Variants in SLC22A25 observed in about 807,000 individuals in gnomAD.
SLC22A25 encodes the protein MGI:2442751, MGI:2385316, MGI:3042283, MGI:3645714, MGI:3605624, MGI:2442750.
SLC22A25 carries 44 observed loss-of-function variants against 45.9 expected under a neutral mutation model. That is an observed-to-expected ratio of 0.96 (90% CI 0.75 to 1.23). SLC22A25 has a LOEUF of 1.23. Ranked by LOEUF, SLC22A25 falls within the 50% of genes most tolerant of loss-of-function variation. SLC22A25 has a pLI of 0.00. For synonymous variants in SLC22A25, 283 were observed against 238.6 expected (o/e 1.19, Z -1.72); for missense variants, 800 against 666.4 (o/e 1.20, Z -2.21).
rs1482326389 is a variant in SLC22A25 at position 63,166,181 on chromosome 11, G to A, written c.1148C>T (p.Thr383Ile). Residue 383 changes from threonine to isoleucine, a missense_variant, in exon 10 of 12, where the codon ACT (threonine) becomes ATT (isoleucine). By Grantham distance (89) the Thr-to-Ile change is moderately conservative (BLOSUM62 -1). Coordinates refer to ENST00000306494, the MANE Select transcript of SLC22A25 (RefSeq NM_199352.6). Reference sequence around the variant, plus strand: ...CAGGAGGGTGACTGCACCAAAGAGAGTCTGCAACAGGAAAACATTGTTTCC... The same window carrying A: ...CAGGAGGGTGACTGCACCAAAGAGAATCTGCAACAGGAAAACATTGTTTCC... ...HLGNNVFLLQ[T>I]LFGAVTLLAN... 6.2e-7 allele frequency: 1 copy of A among 1,614,018 alleles called. No homozygotes were observed.
chr11:63,203,627 G>T (rs1327528936), intron 7 of SLC22A25, among the ~76,000 whole-genome samples: 1 of 151,928 alleles, frequency 6.6e-6, no homozygotes, highest in Non-Finnish European at 1.5e-5. Context: ...GAAAAGGAAT[G>T]AACAAAGTCC....
chr11:63,233,811 G>T (rs539615632), intron 3 of SLC22A25, among the ~76,000 whole-genome samples: 8 of 152,272 alleles, frequency 5.3e-5, no homozygotes, highest in African/African-American at 1.7e-4. Flanking sequence ...CTTTGAATGT[G>T]TCCCAGAGAT....
chr11:63,243,441 G>A lies in SLC22A25; in HGVS notation c.-1003C>T, dbSNP rs540827645. The A allele has an allele frequency of 2.7e-6, 2 of 753,406 alleles. No homozygotes were observed. Among genetic ancestry groups the A allele is most frequent in the African/African-American group, 1.7e-5 (1 of 58,544 alleles). 46.7% of individuals were successfully genotyped at this position (753,406 alleles called of 1,614,324 possible). A position where few individuals can be genotyped will look rare whatever the true frequency, so the allele number is the denominator to read the frequency against. On this transcript the variant is annotated 5_prime_UTR_variant, in exon 1 of 12. An upstream open reading frame in the 5' UTR gains an earlier in-frame stop. Coordinates refer to ENST00000306494, the MANE Select transcript of SLC22A25 (RefSeq NM_199352.6). ...CCTCTGGCCACGATTTACCTGGACT[G>A]TTTCTTCGCCAGGATCCCAACTTCA...
At chr11:63,205,834 C>T (rs376090403) in intron 7 of SLC22A25, among the ~76,000 whole-genome samples, 1 of 140,390 alleles carries the variant, frequency 7.1e-6, no homozygotes, top group East Asian at 1.9e-4. Flanking sequence ...TACCAAAACC[C>T]GTTGGAAACA....
intron 7 of SLC22A25, among the ~76,000 whole-genome samples, chr11:63,186,152 T>TC (rs2088533744): frequency 8.0e-6 from 1 of 125,720 alleles, no homozygotes; most frequent in African/African-American, 3.0e-5. Context: ...TAGTTTACAG[T>TC]CCCACCGACA....
intron 10 of SLC22A25, 38 bp downstream of exon 10, chr11:63,166,006 A>G: frequency 6.2e-7 from 1 of 1,606,630 alleles, no homozygotes. Context: ...AAAAGAGGGA[A>G]AGACATTTTC....
At chr11:63,165,893 C>G (rs1205101548) in intron 10 of SLC22A25, 151 bp downstream of exon 10, 1 of 1,014,696 alleles carries the variant, frequency 9.9e-7, no homozygotes, top group Admixed American at 2.8e-5. Flanking sequence ...TTCCGTGTGG[C>G]AAAATCTGTC....
Position 63,229,333 on chromosome 11 carries a change from T to C in SLC22A25, c.320A>G (p.Asn107Ser), listed in dbSNP as rs780795073. 1 of 1,613,244 alleles carries C rather than the reference T, an allele frequency of 6.2e-7. No homozygotes were observed. The highest frequency in any genetic ancestry group is 1.1e-5 in the South Asian group (1 of 90,906). ...KLIHLNGTFP[N>S]TSEPDTEPCV... Reference sequence around the variant, plus strand: ...GGGCTCTGTATCTGGCTCACTCGTGTTGGGGAAGGTCCCATTCAGATGAAT... The same window carrying C: ...GGGCTCTGTATCTGGCTCACTCGTGCTGGGGAAGGTCCCATTCAGATGAAT... Residue 107 changes from asparagine to serine, a missense_variant, in exon 4 of 12, where the codon AAC (asparagine) becomes AGC (serine). Coordinates refer to ENST00000306494, the MANE Select transcript of SLC22A25 (RefSeq NM_199352.6).
intron 7 of SLC22A25, among the ~76,000 whole-genome samples, chr11:63,214,582 G>C (rs867898856): frequency 3.3e-5 from 5 of 152,194 alleles, no homozygotes; most frequent in African/African-American, 9.6e-5. Context: ...TGTTTCTCTA[G>C]CTGTGCAGCT....
At chr11:63,231,982 G>C (rs370377865) in intron 3 of SLC22A25, among the ~76,000 whole-genome samples, 3 of 151,958 alleles carry the variant, frequency 2.0e-5, no homozygotes, top group Non-Finnish European at 4.4e-5. Flanking sequence ...GTTCTGTTCC[G>C]TTGGTCTATA....
chr11:63,180,703 T>C lies in SLC22A25; in HGVS notation c.1027A>G (p.Ile343Val). The C allele has an allele frequency of 6.2e-7, 1 of 1,613,256 alleles. No homozygotes were observed. Among genetic ancestry groups the C allele is most frequent in the Non-Finnish European group, 8.5e-7 (1 of 1,179,528 alleles). The change falls in exon 9 of 12, where the codon ATA becomes GTA. Residue 343 changes from isoleucine (I) to valine (V), a missense_variant. Physicochemically the swap from Ile to Val is conservative, Grantham distance 29. Coordinates refer to ENST00000306494, the MANE Select transcript of SLC22A25 (RefSeq NM_199352.6). ...CAGATTCTTTTACATATGTTGGGTATGCGGAGCAATTCACAAAGAGAATGC... is the reference window on the plus strand; with the variant it reads ...CAGATTCTTTTACATATGTTGGGTACGCGGAGCAATTCACAAAGAGAATGC... ...KKHSLCELLR[I>V]PNICKRICFL...
chr11:63,181,913 C>T (rs574151700), intron 8 of SLC22A25, among the ~76,000 whole-genome samples: 2 of 152,128 alleles, frequency 1.3e-5, no homozygotes, highest in East Asian at 3.9e-4. Flanking sequence ...TTTCTGAACC[C>T]TTTAACTATC....
Position 63,229,564 on chromosome 11 carries a change from A to G in SLC22A25, c.89T>C (p.Ile30Thr). The G allele has an allele frequency of 6.2e-7, 1 of 1,614,142 alleles. No individual in the cohort carries two copies. Among genetic ancestry groups the G allele is most frequent in the South Asian group, 1.1e-5 (1 of 91,076 alleles). Residue 30 changes from isoleucine (I) to threonine (T), a missense_variant, in exon 4 of 12, where the codon ATA becomes ACA. Coordinates refer to ENST00000306494, the MANE Select transcript of SLC22A25 (RefSeq NM_199352.6). ...CTCCAGCTGAGTTTGATGGTATACT[A>G]TGACGTTGAACATTATAAGGAAAAC... ...QMVFLIMFNVIVYHQTQLENF... is the reference protein window; with the variant it reads ...QMVFLIMFNVTVYHQTQLENF...
At position 63,166,261 on chromosome 11, in the gene SLC22A25, G is replaced by A. The variant is rs750841795; in HGVS notation, c.1071-3C>T. 6.2e-7 allele frequency: 1 copy of A among 1,613,592 alleles called. No individual in the cohort carries two copies. ...AAAAAGGGATGGTACTTGCAAATCT[G>A]CAGGGAACACAGAAAAAGGCACATA... On this transcript the variant is annotated splice_region_variant and splice_polypyrimidine_tract_variant and intron_variant, in intron 9 of 11. Coordinates refer to ENST00000306494, the MANE Select transcript of SLC22A25 (RefSeq NM_199352.6).
At chr11:63,170,200 C>T (rs186820230) in intron 9 of SLC22A25, among the ~76,000 whole-genome samples, 1 of 152,120 alleles carries the variant, frequency 6.6e-6, no homozygotes, top group Non-Finnish European at 1.5e-5. Context: ...TAAGTGCCCA[C>T]ATCAGAAAGC....
chr11:63,173,848 CT>C lies in SLC22A25; in HGVS notation c.1070+6811del, dbSNP rs2087981628. 2.7e-5 allele frequency among the ~76,000 whole-genome samples: 4 copies of C among 150,532 alleles called. No homozygotes were observed. In the South Asian group the frequency reaches 8.4e-4, roughly 32 times the overall value. ...TTTTGTTCAGTGCATTGAATTTATG[CT>C]TTCCATTGGAAGAACTAGGGGCTAG... On this transcript the variant is annotated intron_variant, in intron 9 of 11. Transcript: ENST00000306494.
intron 11 of SLC22A25, among the ~76,000 whole-genome samples, 175 bp from the exon 12 acceptor site, chr11:63,164,248 A>G (rs764905108): frequency 1.3e-5 from 2 of 152,224 alleles, no homozygotes; most frequent in South Asian, 2.1e-4. Flanking sequence ...TCACAAGTGA[A>G]TTAGACACAT....
At chr11:63,178,661 TG>T (rs779619943) in intron 9 of SLC22A25, among the ~76,000 whole-genome samples, 4 of 152,258 alleles carry the variant, frequency 2.6e-5, no homozygotes, top group Admixed American at 2.0e-4. Context: ...TAAGCTTATT[TG>T]TTTTTTTGCT....
In SLC22A25 at chr11:63,161,863, T is replaced by C. The variant is rs1317924393; in HGVS notation, c.*1961A>G. 6.6e-6 allele frequency among the ~76,000 whole-genome samples: 1 copy of C among 152,208 alleles called. No homozygotes were observed. The highest frequency in any genetic ancestry group is 1.5e-5 in the Non-Finnish European group (1 of 68,024). ...ATCTCCAAACTCTTCTCCATAGTGA[T>C]TGTACTAATTTACATTCCCACCAAC... On this transcript the variant is annotated 3_prime_UTR_variant, in exon 12 of 12. Transcript: ENST00000306494.
Sources: gnomAD v4.1 joint callset for allele counts (sites outside exome capture counted in the v4.1 genomes callset) on GRCh38, gnomAD v4.1.1 for gene constraint, MANE v1.5 for transcripts, NCBI Gene and HGNC (gene_info 2026-07-23, HGNC 2026-07-21) for gene names.